Variants in TRAF3IP1 observed in about 807,000 individuals in gnomAD.
TRAF3IP1 encodes the protein TRAF3-interacting protein 1.
Under a neutral mutation model 89.9 loss-of-function variants are expected in TRAF3IP1, and 53 were observed. That is an observed-to-expected ratio of 0.59 (90% CI 0.47 to 0.74). The LOEUF (loss-of-function observed/expected upper bound fraction) is 0.74, where lower values mean the gene tolerates loss of function less well. TRAF3IP1 is among the 30% of genes least tolerant of loss of function. TRAF3IP1 has a pLI of 0.00. For synonymous variants in TRAF3IP1, 311 were observed against 322.1 expected (o/e 0.97, Z 0.37); for missense variants, 806 against 866.1 (o/e 0.93, Z 0.87).
chr2:238,340,900 C>T (rs1354057258), intron 8 of TRAF3IP1, among the ~76,000 whole-genome samples: 1 of 152,016 alleles, frequency 6.6e-6, no homozygotes, highest in Non-Finnish European at 1.5e-5. Flanking sequence ...CTCTGTTGCT[C>T]AGGCTCGGGT....
chr2:238,383,019 C>T (rs1440126504), intron 15 of TRAF3IP1, among the ~76,000 whole-genome samples: 3 of 152,110 alleles, frequency 2.0e-5, no homozygotes, highest in Non-Finnish European at 2.9e-5. Context: ...CTCTCGGGCT[C>T]CAGCCACCTC....
At chr2:238,333,343 C>T (rs1374739823) in intron 6 of TRAF3IP1, among the ~76,000 whole-genome samples, 1 of 152,176 alleles carries the variant, frequency 6.6e-6, no homozygotes, top group Admixed American at 6.5e-5. Context: ...CTCATCATCT[C>T]CACGTGGGCC....
chr2:238,377,676 A>G (rs1225582556), intron 15 of TRAF3IP1, among the ~76,000 whole-genome samples: 1 of 152,036 alleles, frequency 6.6e-6, no homozygotes, highest in Non-Finnish European at 1.5e-5. Flanking sequence ...TTTTTCTTGT[A>G]TGATCCTTAT....
At chr2:238,360,301 C>T (rs758949624) in intron 15 of TRAF3IP1, among the ~76,000 whole-genome samples, 2 of 152,262 alleles carry the variant, frequency 1.3e-5, no homozygotes, top group South Asian at 2.1e-4. Flanking sequence ...CTGAGGCATA[C>T]GGTAAGTGTG....
In TRAF3IP1 at chr2:238,352,945, G is replaced by A; in HGVS notation, c.1570G>A (p.Glu524Lys). ...APQLSEMSEI[E>K]MVTAVELEEE... ...TCAGCTCTCTGAAATGTCAGAAATT[G>A]AAATGGTTAGTTAACCGAAATATGA... The change falls in exon 13 of 17, where the codon GAA (glutamate) becomes AAA (lysine). Residue 524 changes from glutamate to lysine, a missense_variant. Glu to Lys is a moderately conservative substitution (Grantham distance 56, BLOSUM62 1). Transcript: ENST00000373327. 2 of 1,610,024 alleles carry A rather than the reference G, an allele frequency of 1.2e-6. No homozygotes were observed. Among genetic ancestry groups the A allele is most frequent in the Non-Finnish European group, 8.5e-7 (1 of 1,178,956 alleles).
chr2:238,351,623 G>A lies in TRAF3IP1; in HGVS notation c.1452-1204G>A, dbSNP rs1457248422. ...GCTGGGAGCGTGAGAGACGAGGGACGGGAGCCTGGACTTCCTGGTACTGAC... is the reference window on the plus strand; with the variant it reads ...GCTGGGAGCGTGAGAGACGAGGGACAGGAGCCTGGACTTCCTGGTACTGAC... On this transcript the variant is annotated intron_variant, in intron 12 of 16. Coordinates refer to ENST00000373327, the MANE Select transcript of TRAF3IP1 (RefSeq NM_015650.4). The surrounding 1 kb of genome is among the most constrained non-coding windows in gnomAD (Gnocchi z 5.2). Among the ~76,000 whole-genome samples the A allele has an allele frequency of 1.3e-5, 2 of 152,266 alleles. No homozygotes were observed. The highest frequency in any genetic ancestry group is 1.9e-4 in the East Asian group (1 of 5,174).
chr2:238,373,966 T>C (rs187941271), intron 15 of TRAF3IP1, among the ~76,000 whole-genome samples: 20 of 152,334 alleles, frequency 1.3e-4, no homozygotes, highest in African/African-American at 4.6e-4. Flanking sequence ...TTCTGATTTT[T>C]GCACATTGAT....
At chr2:238,391,462 C>T (rs1462394644) in intron 15 of TRAF3IP1, among the ~76,000 whole-genome samples, 2 of 152,214 alleles carry the variant, frequency 1.3e-5, no homozygotes, top group East Asian at 3.8e-4. Flanking sequence ...ATAATCACGG[C>T]TTGATGCGTT....
chr2:238,386,104 A>G (rs1390891465), intron 15 of TRAF3IP1, among the ~76,000 whole-genome samples: 1 of 152,144 alleles, frequency 6.6e-6, no homozygotes, highest in Non-Finnish European at 1.5e-5. Flanking sequence ...CAGAAAGAGA[A>G]AGGTTACGTA....
intron 1 of TRAF3IP1, 95 bp from the exon 2 acceptor site, chr2:238,325,211 A>C (rs1697761466): frequency 1.6e-6 from 2 of 1,213,564 alleles, no homozygotes; most frequent in Non-Finnish European, 2.4e-6. Flanking sequence ...GCTGCTAGTC[A>C]ATTCTGACAT....
At chr2:238,362,897 G>A (rs1699723027) in intron 15 of TRAF3IP1, among the ~76,000 whole-genome samples, 1 of 152,216 alleles carries the variant, frequency 6.6e-6, no homozygotes, top group African/African-American at 2.4e-5. Context: ...GTGGCGGGAA[G>A]CTTTGCCAAA....
At chr2:238,385,082 C>T (rs1700710927) in intron 15 of TRAF3IP1, among the ~76,000 whole-genome samples, 1 of 151,974 alleles carries the variant, frequency 6.6e-6, no homozygotes, top group Admixed American at 6.5e-5. Context: ...ATGGTGCGAT[C>T]TCGGCTCACT....
chr2:238,345,092 C>A lies in TRAF3IP1; in HGVS notation c.1261+494C>A, dbSNP rs1190127941. On this transcript the variant is annotated intron_variant, in intron 9 of 16. Transcript: ENST00000373327. This position sits in a 1 kb window ranked among gnomAD's most constrained non-coding sequence, Gnocchi z 4.7. ...CCATTCAATGTTTGTGTTTTGAGGC[C>A]TTGGAGCTCCTAACAGGCCTGCAAG... is the stretch of plus-strand genomic sequence containing the variant. Among the ~76,000 whole-genome samples the A allele has an allele frequency of 6.6e-6, 1 of 152,168 alleles. No homozygotes were observed. Among genetic ancestry groups the A allele is most frequent in the African/African-American group, 2.4e-5 (1 of 41,438 alleles).
At chr2:238,326,884 G>T (rs1697862033) in intron 3 of TRAF3IP1, among the ~76,000 whole-genome samples, 1 of 152,162 alleles carries the variant, frequency 6.6e-6, no homozygotes, top group Admixed American at 6.5e-5. Context: ...TAGAGACTTG[G>T]AAGCAGATCT....
At chr2:238,334,709 G>T (rs1394777991) in intron 7 of TRAF3IP1, among the ~76,000 whole-genome samples, 2 of 152,182 alleles carry the variant, frequency 1.3e-5, no homozygotes, top group African/African-American at 4.8e-5. Flanking sequence ...GGGAATTTTC[G>T]CCTTAGAAAG....
chr2:238,378,868 C>T (rs893896268), intron 15 of TRAF3IP1, among the ~76,000 whole-genome samples: 1 of 152,186 alleles, frequency 6.6e-6, no homozygotes, highest in Non-Finnish European at 1.5e-5. Flanking sequence ...CCATGAGGCA[C>T]TCAAGTGGTT....
At chr2:238,341,128 C>T (rs866505543) in intron 8 of TRAF3IP1, among the ~76,000 whole-genome samples, 1 of 152,048 alleles carries the variant, frequency 6.6e-6, no homozygotes, top group South Asian at 2.1e-4. Context: ...TCAAGTGATC[C>T]TCCTGCCTCA....
chr2:238,372,421 G>A (rs111441504), intron 15 of TRAF3IP1, among the ~76,000 whole-genome samples: 5 of 152,172 alleles, frequency 3.3e-5, no homozygotes, highest in African/African-American at 1.2e-4. Context: ...TAGAATGATG[G>A]TTTCCAGCTT....
chr2:238,350,507 G>A (rs575061589), intron 12 of TRAF3IP1, among the ~76,000 whole-genome samples: 8 of 152,322 alleles, frequency 5.3e-5, no homozygotes, highest in Admixed American at 3.9e-4. Flanking sequence ...CGCTGTGCAC[G>A]AGAGTGGGCT....
Sources: allele counts gnomAD v4.1 joint callset (sites outside exome capture counted in the v4.1 genomes callset), GRCh38; gene constraint gnomAD v4.1.1; non-coding constraint Gnocchi (gnomAD v3.1); transcripts MANE v1.5; gene names NCBI Gene and HGNC (gene_info 2026-07-23, HGNC 2026-07-21).